RIMKLB: variants seen among roughly 807,000 people sequenced by gnomAD.
RIMKLB encodes ribosomal modification protein rimK like family member B, also known as beta-citrylglutamate synthase B.
A neutral mutation model predicts 32.0 loss-of-function variants in RIMKLB; 7 were observed. The observed-to-expected ratio is 0.22, with a 90% CI of 0.12 to 0.41. RIMKLB has a LOEUF of 0.41. RIMKLB is among the 10% of genes least tolerant of loss of function. The pLI is 1.00. For missense variants in RIMKLB, 289 were observed against 498.7 expected (o/e 0.58, Z 4.00); for synonymous variants, 172 against 185.1 (o/e 0.93, Z 0.57).
intron 4 of RIMKLB, among the ~76,000 whole-genome samples, chr12:8,752,540 A>G (rs1948699202): frequency 6.6e-6 from 1 of 152,198 alleles, no homozygotes; most frequent in Non-Finnish European, 1.5e-5. Context: ...CGATAGAGCC[A>G]GACTGTGTCT....
intron 3 of RIMKLB, among the ~76,000 whole-genome samples, chr12:8,751,343 C>T (rs1948604934): frequency 6.6e-6 from 1 of 152,164 alleles, no homozygotes; most frequent in African/African-American, 2.4e-5. Context: ...TCTCTCTAAT[C>T]ATGCTGATTT....
chr12:8,773,694 C>A lies in RIMKLB; in HGVS notation c.1071C>A (p.Ser357Arg). ...SSSSVDSDPE[S>R]TERELLTKLP... ...GCTCTGTTGACAGCGACCCTGAAAGCACGGAGCGAGAGCTGCTCACCAAGC... is the reference window on the plus strand; with the variant it reads ...GCTCTGTTGACAGCGACCCTGAAAGAACGGAGCGAGAGCTGCTCACCAAGC... Residue 357 changes from serine to arginine, a missense_variant, in exon 6 of 6, where the codon AGC (serine) becomes AGA (arginine). Coordinates refer to ENST00000535829, the MANE Select transcript of RIMKLB (RefSeq NM_001297776.2). 6.2e-7 allele frequency: 1 copy of A among 1,614,248 alleles called. No homozygotes were observed. The highest frequency in any genetic ancestry group is 1.3e-5 in the African/African-American group (1 of 75,062).
At chr12:8,675,696 A>T in the RIMKLB span, among the ~76,000 whole-genome samples, 1 of 152,208 alleles carries the variant, frequency 6.6e-6, no homozygotes, top group East Asian at 1.9e-4. Context: ...GCAGGATTAC[A>T]ACTTTTTTTA....
intron 5 of RIMKLB, among the ~76,000 whole-genome samples, chr12:8,771,821 A>G (rs1361292374): frequency 1.3e-5 from 2 of 152,028 alleles, no homozygotes; most frequent in Admixed American, 1.3e-4. Flanking sequence ...TTGCCTCTCC[A>G]TCTGTTTCTG....
chr12:8,769,945 A>C (rs1237227219), intron 5 of RIMKLB, among the ~76,000 whole-genome samples: 1 of 151,770 alleles, frequency 6.6e-6, no homozygotes. Flanking sequence ...GTACCTCCAA[A>C]GCGTCAAGTA....
intron 2 of RIMKLB, among the ~76,000 whole-genome samples, chr12:8,739,467 A>G (rs151258095): frequency 6.6e-6 from 1 of 151,818 alleles, no homozygotes; most frequent in Admixed American, 6.6e-5. Flanking sequence ...ACAGGTGTGT[A>G]CCACCATGCA....
At chr12:8,748,575 C>A (rs1948345365) in intron 2 of RIMKLB, among the ~76,000 whole-genome samples, 1 of 142,940 alleles carries the variant, frequency 7.0e-6, no homozygotes. Context: ...TATATATACA[C>A]AAAATTTATA....
intron 1 of RIMKLB, among the ~76,000 whole-genome samples, chr12:8,684,755 G>T (rs960453623): frequency 6.6e-6 from 1 of 152,066 alleles, no homozygotes; most frequent in Admixed American, 6.6e-5. Flanking sequence ...TAAGTAGCTG[G>T]GACTACACGT....
chr12:8,774,833 G>T lies in RIMKLB; in HGVS notation c.*1049G>T, dbSNP rs34892777. 2 of 985,422 alleles carry T rather than the reference G, an allele frequency of 2.0e-6. No individual in the cohort carries two copies. Among genetic ancestry groups the T allele is most frequent in the East Asian group, 1.1e-4 (1 of 8,828 alleles). The allele number at this position is 985,422 out of a possible 1,614,324, so 61.0% of individuals were successfully genotyped here. On this transcript the variant is annotated 3_prime_UTR_variant, in exon 6 of 6. Coordinates refer to ENST00000535829, the MANE Select transcript of RIMKLB (RefSeq NM_001297776.2). The stretch of plus-strand genomic sequence containing the variant: ...AAAGCTGAAGTGATTTCGAATGCCA[G>T]CGTTATATATTTGCATTTTTCACAT...
At position 8,775,754 on chromosome 12, in the gene RIMKLB, A is replaced by C. The variant is rs1950690065; in HGVS notation, c.*1970A>C. 1.0e-6 allele frequency: 1 copy of C among 985,418 alleles called. No homozygotes were observed. The highest frequency in any genetic ancestry group is 1.2e-6 in the Non-Finnish European group (1 of 829,546). The allele number at this position is 985,418 out of a possible 1,614,324, so 61.0% of individuals were successfully genotyped here. On this transcript the variant is annotated 3_prime_UTR_variant, in exon 6 of 6. Transcript: ENST00000535829. ...AAGGTTGATTGTTGATGAATAGAAT[A>C]GTACCTCTCATCTGTGCAGTGTCTC...
upstream of RIMKLB, chr12:8,697,167 C>A (rs1407574447): frequency 6.6e-6 from 1 of 152,222 alleles, no homozygotes; most frequent in East Asian, 1.9e-4. Context: ...TAGCAACTAA[C>A]TTGTCCAAGG....
chr12:8,768,355 A>G (rs1950141869), intron 5 of RIMKLB, among the ~76,000 whole-genome samples: 1 of 152,206 alleles, frequency 6.6e-6, no homozygotes, highest in Admixed American at 6.5e-5. Context: ...GACAGTGAGC[A>G]AAAGCTCAGC....
At chr12:8,718,938 T>G (rs1169266744) in intron 2 of RIMKLB, among the ~76,000 whole-genome samples, 2 of 152,186 alleles carry the variant, frequency 1.3e-5, no homozygotes, top group East Asian at 3.8e-4. Flanking sequence ...TCTGTGGCTT[T>G]GGGCAAATGC....
intron 2 of RIMKLB, among the ~76,000 whole-genome samples, chr12:8,741,324 G>A (rs1947496856): frequency 6.6e-6 from 1 of 151,360 alleles, no homozygotes; most frequent in African/African-American, 2.4e-5. Flanking sequence ...GTTGCAGTGA[G>A]CCGAGATCGC....
intron 1 of RIMKLB, among the ~76,000 whole-genome samples, chr12:8,689,065 A>G (rs962539035): frequency 1.3e-5 from 2 of 152,148 alleles, no homozygotes; most frequent in Non-Finnish European, 2.9e-5. Context: ...CGAACTCCTG[A>G]CCTCAGCTGA....
chr12:8,722,673 CA>C (rs1238804175), intron 2 of RIMKLB, among the ~76,000 whole-genome samples: 1 of 152,346 alleles, frequency 6.6e-6, no homozygotes, highest in Middle Eastern at 3.4e-3. Context: ...CTTCTTCCAG[CA>C]AAAGGCTGTT....
chr12:8,723,029 C>T (rs942645731), intron 2 of RIMKLB, among the ~76,000 whole-genome samples: 1 of 152,222 alleles, frequency 6.6e-6, no homozygotes, highest in Non-Finnish European at 1.5e-5. Context: ...TCTTATCATT[C>T]ATGTGTTCAC....
intron 2 of RIMKLB, 27 bp downstream of exon 2, chr12:8,714,068 T>TA: frequency 6.2e-7 from 1 of 1,600,688 alleles, no homozygotes. Context: ...AGTGATCTTT[T>TA]GGATTTTTAC....
chr12:8,752,145 T>A, intron 4 of RIMKLB, 102 bp downstream of exon 4: 1 of 757,996 alleles, frequency 1.3e-6, no homozygotes, highest in East Asian at 2.6e-5. Context: ...GTTAGATGCA[T>A]GATACCTCAG....
Sources: gnomAD v4.1 joint callset for allele counts (sites outside exome capture counted in the v4.1 genomes callset) on GRCh38, gnomAD v4.1.1 for gene constraint, MANE v1.5 for transcripts, NCBI Gene and HGNC (gene_info 2026-07-23, HGNC 2026-07-21) for gene names.